Variants in TRIM23 observed in about 807,000 individuals in gnomAD.
The protein encoded by TRIM23 is tripartite motif containing 23.
A neutral mutation model predicts 71.0 loss-of-function variants in TRIM23; 27 were observed. The ratio of observed to expected loss-of-function variants is 0.38; its 90% CI spans 0.28 to 0.52. The LOEUF is 0.52. Ranked by LOEUF, TRIM23 falls within the 20% of genes least tolerant of loss-of-function variation. The pLI is 0.84. For missense variants in TRIM23, 482 were observed against 692.3 expected (o/e 0.70, Z 3.41); for synonymous variants, 234 against 238.0 (o/e 0.98, Z 0.16).
chr5:65,596,524 G>A lies in TRIM23; in HGVS notation c.1317C>T (p.Asn439=), dbSNP rs768755261. ...GATTTTTATATTCTACAGTTTCCAC[G>A]TTAAAACCTGTTTTAAAAAAAAAGT... ...FMQPIPTIGF[N]VETVEYKNLK... is the part of the protein sequence containing the mutation. Residue 439 remains asparagine (N), a synonymous_variant, in exon 9 of 11, where the codon AAC becomes AAT. Transcript: ENST00000231524. The A allele has an allele frequency of 1.8e-5, 29 of 1,577,040 alleles. No individual in the cohort carries two copies. The South Asian group carries it at 2.0e-4, about 11-fold the overall frequency.
In TRIM23 at chr5:65,594,589, C is replaced by T; in HGVS notation, c.1477G>A (p.Glu493Lys). 1 of 1,612,156 alleles carries T rather than the reference C, an allele frequency of 6.2e-7. No individual in the cohort carries two copies. Residue 493 changes from glutamate (E) to lysine (K), a missense_variant, in exon 10 of 11, where the codon GAA becomes AAA. By Grantham distance (56) the Glu-to-Lys change is moderately conservative. This residue lies in a region of TRIM23 where 307 missense variants were observed against 495.8 expected (regional missense o/e 0.62). Coordinates refer to ENST00000231524, the MANE Select transcript of TRIM23 (RefSeq NM_001656.4). ...TTTTCCGTTAACAACTTTGCAAGTT[C>T]GCTGTGTGCTTCACTAATTCTGTCT... ...HRDRISEAHSELAKLLTEKEL... is the reference protein window; with the variant it reads ...HRDRISEAHSKLAKLLTEKEL...
chr5:65,607,978 C>A (rs1172051039), intron 6 of TRIM23, among the ~76,000 whole-genome samples: 4 of 152,110 alleles, frequency 2.6e-5, no homozygotes, highest in Non-Finnish European at 5.9e-5. Context: ...AGACACAAAT[C>A]ACACCATTAC....
intron 6 of TRIM23, chr5:65,607,191 T>C (rs1323840441): frequency 1.3e-5 from 2 of 152,238 alleles, no homozygotes; most frequent in African/African-American, 4.8e-5. Context: ...TGGTTAGTAT[T>C]CTGTAGTTAT....
At chr5:65,623,638 C>A (rs914300600) in intron 1 of TRIM23, among the ~76,000 whole-genome samples, 6 of 152,156 alleles carry the variant, frequency 3.9e-5, no homozygotes, top group African/African-American at 1.2e-4. Flanking sequence ...GACTGTACTA[C>A]TAACAGGGGA....
At chr5:65,616,598 C>T (rs1023726292) in intron 2 of TRIM23, among the ~76,000 whole-genome samples, 19 of 143,530 alleles carry the variant, frequency 1.3e-4, no homozygotes, top group Admixed American at 6.4e-4. Flanking sequence ...GCTGAGATCG[C>T]GCCACAGCAC....
intron 2 of TRIM23, among the ~76,000 whole-genome samples, chr5:65,616,848 A>C (rs1754790764): frequency 6.6e-6 from 1 of 151,642 alleles, no homozygotes. Flanking sequence ...CAGCCTCCCA[A>C]GTAGCTGGGA....
intron 7 of TRIM23, among the ~76,000 whole-genome samples, chr5:65,598,106 T>A: frequency 6.6e-6 from 1 of 152,204 alleles, no homozygotes; most frequent in Non-Finnish European, 1.5e-5. Flanking sequence ...CTCTTAAATG[T>A]TGGTATTCTT....
At position 65,591,657 on chromosome 5, in the gene TRIM23, A is replaced by ATATATATATATC; in HGVS notation, c.*111_*112insGATATATATATA. Reference sequence around the variant, plus strand: ...ATCCAAGATTCCTTTATATATATATATATATATATGCATCCTAAATTACCA... The same window carrying ATATATATATATC: ...ATCCAAGATTCCTTTATATATATATATATATATATATCTATATATATGCATCCTAAATTACCA... On this transcript the variant is annotated 3_prime_UTR_variant, in exon 11 of 11. Transcript: ENST00000231524. 1.0e-6 allele frequency: 1 copy of ATATATATATATC among 958,512 alleles called. No individual in the cohort carries two copies. The highest frequency in any genetic ancestry group is 1.4e-6 in the Non-Finnish European group (1 of 718,602). 59.4% of individuals were successfully genotyped at this position (958,512 alleles called of 1,614,324 possible).
At chr5:65,619,723 T>C (rs1000933987) in intron 1 of TRIM23, among the ~76,000 whole-genome samples, 26 of 152,170 alleles carry the variant, frequency 1.7e-4, no homozygotes, top group African/African-American at 6.3e-4. Context: ...CATAACATTG[T>C]TCAGAGAAAA....
At chr5:65,624,113 G>C (rs1581197334) in intron 1 of TRIM23, 81 bp downstream of exon 1, 1 of 1,570,450 alleles carries the variant, frequency 6.4e-7, no homozygotes, top group African/African-American at 1.4e-5. Context: ...TCGAAGCCTG[G>C]GCCGCGGCGA....
In TRIM23 at chr5:65,597,105, T is replaced by C. The variant is rs1417748856; in HGVS notation, c.1255A>G (p.Thr419Ala). 2.5e-6 allele frequency: 4 copies of C among 1,614,214 alleles called. No individual in the cohort carries two copies. Among genetic ancestry groups the C allele is most frequent in the East Asian group, 4.5e-5 (2 of 44,878 alleles). Residue 419 changes from threonine to alanine, a missense_variant, in exon 8 of 11, where the codon ACT (threonine) becomes GCT (alanine). Thr to Ala is a moderately conservative substitution (Grantham distance 58). Around this residue, in one of 2 missense-constraint regions of TRIM23, gnomAD observed 307 missense variants for 495.8 expected, o/e 0.62. Transcript: ENST00000231524. ...TLGLDGAGKTTILFKLKQDEF... is the reference protein window; with the variant it reads ...TLGLDGAGKTAILFKLKQDEF... Reference sequence around the variant, plus strand: ...TCCTGTTTTAACTTAAACAAGATAGTAGTTTTTCCAGCACCATCCAATCCT... The same window carrying C: ...TCCTGTTTTAACTTAAACAAGATAGCAGTTTTTCCAGCACCATCCAATCCT...
chr5:65,600,258 T>C (rs1489470107), intron 7 of TRIM23, among the ~76,000 whole-genome samples: 2 of 151,998 alleles, frequency 1.3e-5, no homozygotes, highest in Admixed American at 6.6e-5. Context: ...GGCAGGAACA[T>C]AGATCCAAGC....
Position 65,605,041 on chromosome 5 carries a change from T to C in TRIM23, c.1049A>G (p.Asp350Gly), listed in dbSNP as rs774156621. The change falls in exon 7 of 11, where the codon GAT becomes GGT. Residue 350 changes from aspartate (D) to glycine (G), a missense_variant. Asp to Gly is a moderately conservative substitution (Grantham distance 94). This residue lies in a region of TRIM23 where 307 missense variants were observed against 495.8 expected (regional missense o/e 0.62). Coordinates refer to ENST00000231524, the MANE Select transcript of TRIM23 (RefSeq NM_001656.4). ...CTGTTTTGCCAAGACAACTCTACAA[T>C]CATCCTATAAGAGGCAAAACAATAT... ...LHCEKTLQQD[D>G]CRVVLAKQEI... is the part of the protein sequence containing the mutation. The C allele has an allele frequency of 5.0e-6, 8 of 1,612,406 alleles. No homozygotes were observed. Among genetic ancestry groups the C allele is most frequent in the Non-Finnish European group, 5.9e-6 (7 of 1,179,720 alleles).
In TRIM23 at chr5:65,597,143, C is replaced by A. The variant is rs369403535; in HGVS notation, c.1217G>T (p.Arg406Leu). 1.2e-6 allele frequency: 2 copies of A among 1,614,038 alleles called. No individual in the cohort carries two copies. The highest frequency in any genetic ancestry group is 1.1e-5 in the South Asian group (1 of 91,082). Residue 406 changes from arginine to leucine, a missense_variant, in exon 8 of 11, where the codon CGG becomes CTG. By Grantham distance (102) the Arg-to-Leu change is moderately radical. This residue lies in a region of TRIM23 where 307 missense variants were observed against 495.8 expected (regional missense o/e 0.62). Coordinates refer to ENST00000231524, the MANE Select transcript of TRIM23 (RefSeq NM_001656.4). ...ACCATCCAATCCTAACGTAACGACCCGAATTTCCATTTTTGGTCCAATGTG... is the reference window on the plus strand; with the variant it reads ...ACCATCCAATCCTAACGTAACGACCAGAATTTCCATTTTTGGTCCAATGTG... Reference protein sequence around the residue: ...RVHIGPKMEIRVVTLGLDGAG... With the variant: ...RVHIGPKMEILVVTLGLDGAG...
chr5:65,618,224 A>T lies in TRIM23; in HGVS notation c.113T>A (p.Phe38Tyr). 1 of 1,614,124 alleles carries T rather than the reference A, an allele frequency of 6.2e-7. No homozygotes were observed. Among genetic ancestry groups the T allele is most frequent in the Non-Finnish European group, 8.5e-7 (1 of 1,179,996 alleles). ...GGGAACTTTGTCTCCTTGCAAAGAA[A>T]AGACATCTTCACAAACTCCACACTC... is the stretch of plus-strand genomic sequence containing the variant. ...VLECGVCEDV[F>Y]SLQGDKVPRL... Residue 38 changes from phenylalanine (F) to tyrosine (Y), a missense_variant, in exon 2 of 11, where the codon TTT becomes TAT. Coordinates refer to ENST00000231524, the MANE Select transcript of TRIM23 (RefSeq NM_001656.4).
rs983615347 is a variant in TRIM23, at chr5:65,612,290, T to C, written c.367-409A>G. Among the ~76,000 whole-genome samples, 4 of 152,166 alleles carry C rather than the reference T, an allele frequency of 2.6e-5. No homozygotes were observed. The South Asian group carries it at 8.3e-4, about 32-fold the overall frequency. Reference sequence around the variant, plus strand: ...CTTTAAATATTAGTTGTCATGATGATGTATAGGAAGGACAGAAGCACAAAT... The same window carrying C: ...CTTTAAATATTAGTTGTCATGATGACGTATAGGAAGGACAGAAGCACAAAT... On this transcript the variant is annotated intron_variant, in intron 3 of 10. Transcript: ENST00000231524.
chr5:65,609,520 T>C, intron 5 of TRIM23, 62 bp from the exon 6 acceptor site: 1 of 1,505,526 alleles, frequency 6.6e-7, no homozygotes, highest in East Asian at 2.4e-5. Flanking sequence ...ACCTGTGAAA[T>C]ATTTAAAATT....
intron 9 of TRIM23, 98 bp downstream of exon 9, chr5:65,596,323 C>T (rs536643961): frequency 8.3e-5 from 69 of 828,672 alleles, no homozygotes; most frequent in Admixed American, 5.9e-4. Context: ...ATACAGTCAA[C>T]GACTTAATCA....
At chr5:65,618,057 T>G in intron 2 of TRIM23, 36 bp downstream of exon 2, 1 of 1,536,636 alleles carries the variant, frequency 6.5e-7, no homozygotes, top group South Asian at 1.2e-5. Flanking sequence ...ACATGAACAA[T>G]TTTCAATCTT....
Sources: gnomAD v4.1 joint callset for allele counts (sites outside exome capture counted in the v4.1 genomes callset) on GRCh38, gnomAD v4.1.1 for gene constraint, gnomAD v4.1.1 regional missense constraint, MANE v1.5 for transcripts, NCBI Gene and HGNC (gene_info 2026-07-23, HGNC 2026-07-21) for gene names.